The following TECRL variants were observed in gnomAD, a reference collection of about 807,000 sequenced individuals.
TECRL encodes trans-2,3-enoyl-CoA reductase-like.
In TECRL, 63 loss-of-function variants were observed where a neutral mutation model predicts 52.8. The ratio of observed to expected loss-of-function variants is 1.19; its 90% CI spans 0.97 to 1.47. TECRL has a LOEUF of 1.47. TECRL is among the 40% of genes most tolerant of loss of function. TECRL has a pLI of 0.00. For missense variants in TECRL, 482 were observed against 429.6 expected (o/e 1.12, Z -1.08); for synonymous variants, 164 against 141.9 (o/e 1.16, Z -1.10).
intron 2 of TECRL, among the ~76,000 whole-genome samples, chr4:64,336,031 T>C (rs1355522524): frequency 1.3e-5 from 2 of 152,154 alleles, no homozygotes; most frequent in Non-Finnish European, 2.9e-5. Context: ...CCTCATAAAA[T>C]GAGTTAGGGA....
chr4:64,352,952 C>T (rs1720499223), intron 2 of TECRL, among the ~76,000 whole-genome samples: 2 of 152,116 alleles, frequency 1.3e-5, no homozygotes, highest in South Asian at 4.2e-4. Context: ...ATTTTGAGCT[C>T]AAGTGATACT....
At chr4:64,330,889 T>A (rs2110050137) in intron 2 of TECRL, among the ~76,000 whole-genome samples, 1 of 152,212 alleles carries the variant, frequency 6.6e-6, no homozygotes, top group Admixed American at 6.5e-5. Context: ...ATGAACATAT[T>A]TTATTTCTGG....
chr4:64,313,788 C>CT (rs1425497394), intron 5 of TECRL, among the ~76,000 whole-genome samples: 15 of 150,468 alleles, frequency 1.0e-4, no homozygotes, highest in Non-Finnish European at 1.8e-4. Context: ...CTGCCTTACT[C>CT]TTTTTTTGTC....
intron 1 of TECRL, among the ~76,000 whole-genome samples, chr4:64,382,923 T>C (rs1722921860): frequency 1.3e-5 from 2 of 152,280 alleles, no homozygotes; most frequent in South Asian, 2.1e-4. Context: ...GATATTATCC[T>C]TTTGCTTTCA....
intron 8 of TECRL, among the ~76,000 whole-genome samples, chr4:64,298,689 A>T (rs561647159): frequency 2.0e-5 from 3 of 151,382 alleles, no homozygotes; most frequent in African/African-American, 7.2e-5. Flanking sequence ...ACAGAAAAAA[A>T]TTATAACCCA....
At chr4:64,383,167 T>C (rs771932779) in intron 1 of TECRL, among the ~76,000 whole-genome samples, 5 of 152,190 alleles carry the variant, frequency 3.3e-5, no homozygotes, top group Non-Finnish European at 5.9e-5. Flanking sequence ...ATATGTGACT[T>C]GATGCTTTTC....
intron 1 of TECRL, among the ~76,000 whole-genome samples, chr4:64,386,986 G>A (rs961133311): frequency 2.2e-4 from 33 of 152,088 alleles, no homozygotes; most frequent in African/African-American, 7.0e-4. Context: ...GGTGTTGTAC[G>A]TTCTATAAGT....
chr4:64,409,371 G>A lies in TECRL; in HGVS notation c.-20C>T, dbSNP rs751375995. ...GAACATTGTGTGAACTAAGAGGAGG[G>A]TCTGTCATGTCAAAAGTAGAAAATT... On this transcript the variant is annotated 5_prime_UTR_variant, in exon 1 of 12. Transcript: ENST00000381210. 1.2e-6 allele frequency: 2 copies of A among 1,605,402 alleles called. No homozygotes were observed. Among genetic ancestry groups the A allele is most frequent in the Non-Finnish European group, 1.7e-6 (2 of 1,174,792 alleles).
At chr4:64,389,486 A>T (rs1329996799) in intron 1 of TECRL, among the ~76,000 whole-genome samples, 1 of 151,980 alleles carries the variant, frequency 6.6e-6, no homozygotes, top group African/African-American at 2.4e-5. Context: ...TGCAAAGGAT[A>T]CTTCTTTTTA....
chr4:64,375,137 T>G, intron 2 of TECRL, 35 bp downstream of exon 2: 1 of 1,074,868 alleles, frequency 9.3e-7, no homozygotes, highest in East Asian at 3.1e-5. Flanking sequence ...AATAAAACAT[T>G]ATGATGTAAA....
chr4:64,324,776 AT>A (rs1718139443), intron 3 of TECRL, among the ~76,000 whole-genome samples: 2 of 152,110 alleles, frequency 1.3e-5, no homozygotes, highest in African/African-American at 2.4e-5. Flanking sequence ...ACATACATAT[AT>A]ATACATATAT....
intron 8 of TECRL, among the ~76,000 whole-genome samples, chr4:64,298,321 T>G (rs1723803348): frequency 6.6e-6 from 1 of 151,096 alleles, no homozygotes; most frequent in Admixed American, 6.6e-5. Context: ...GTTTATTAAT[T>G]TTTGCCTGGG....
At chr4:64,336,306 G>A (rs573411264) in intron 2 of TECRL, among the ~76,000 whole-genome samples, 60 of 152,278 alleles carry the variant, frequency 3.9e-4, no homozygotes, top group African/African-American at 1.4e-3. Flanking sequence ...GCGTAGAGGT[G>A]TTTATAGTAT....
At chr4:64,388,570 G>T (rs1415724665) in intron 1 of TECRL, among the ~76,000 whole-genome samples, 1 of 151,692 alleles carries the variant, frequency 6.6e-6, no homozygotes, top group Non-Finnish European at 1.5e-5. Context: ...TAACTTGCTG[G>T]GATTTTAGTA....
intron 1 of TECRL, among the ~76,000 whole-genome samples, chr4:64,382,007 T>A (rs1722827514): frequency 6.6e-6 from 1 of 151,674 alleles, no homozygotes; most frequent in Non-Finnish European, 1.5e-5. Context: ...ATGAGAAAAA[T>A]TATCATTAGT....
intron 2 of TECRL, among the ~76,000 whole-genome samples, chr4:64,356,601 C>T (rs750100241): frequency 1.4e-4 from 22 of 152,138 alleles, no homozygotes; most frequent in Admixed American, 8.5e-4. Flanking sequence ...ACACAGATTC[C>T]TTTGCTCACA....
chr4:64,277,827 T>G lies in TECRL; in HGVS notation c.*2245A>C, dbSNP rs1225688255. On this transcript the variant is annotated 3_prime_UTR_variant, in exon 12 of 12. Transcript: ENST00000381210. ...AAATTTTTTTAAATATTTTAAATAA[T>G]GTGTACTTTGATTTATATAGGTCAT... 6.6e-6 allele frequency: 1 copy of G among 151,768 alleles called. No individual in the cohort carries two copies. The highest frequency in any genetic ancestry group is 2.4e-5 in the African/African-American group (1 of 41,402). The allele number at this position is 151,768 out of a possible 1,614,324, so 9.4% of individuals were successfully genotyped here.
intron 2 of TECRL, among the ~76,000 whole-genome samples, chr4:64,335,815 G>T (rs975070786): frequency 1.3e-5 from 2 of 152,080 alleles, no homozygotes; most frequent in Non-Finnish European, 2.9e-5. Flanking sequence ...AAAAATATTT[G>T]TTTTCTTGAT....
intron 3 of TECRL, among the ~76,000 whole-genome samples, chr4:64,324,526 G>T (rs1317710897): frequency 6.6e-6 from 1 of 151,796 alleles, no homozygotes; most frequent in Non-Finnish European, 1.5e-5. Flanking sequence ...ACCATTAGAT[G>T]ATCTTTCAGA....
Sources: gnomAD v4.1 joint callset for allele counts (sites outside exome capture counted in the v4.1 genomes callset) on GRCh38, gnomAD v4.1.1 for gene constraint, MANE v1.5 for transcripts, NCBI Gene and HGNC (gene_info 2026-07-23, HGNC 2026-07-21) for gene names.